TPRKB: variants seen among roughly 807,000 people sequenced by gnomAD.
The protein encoded by TPRKB is EKC/KEOPS complex subunit TPRKB.
TPRKB carries 11 observed loss-of-function variants against 17.8 expected under a neutral mutation model. That is an observed-to-expected ratio of 0.62 (90% CI 0.39 to 1.02). The LOEUF is 1.02. Among genes scored for constraint, TPRKB ranks in the 50% least tolerant of loss-of-function variants. The probability of loss-of-function intolerance (pLI) is 0.00; values close to 1 mark genes in which losing one functional copy is unlikely to be tolerated. For missense variants in TPRKB, 228 were observed against 198.0 expected, an observed-to-expected ratio of 1.15 and a Z score of -0.91; for synonymous variants, 71 against 69.5, an observed-to-expected ratio of 1.02 and a Z score of -0.11.
At chr2:73,732,133 G>C in intron 3 of TPRKB, 30 bp downstream of exon 3, 5 of 1,604,372 alleles carry the variant, frequency 3.1e-6, no homozygotes, top group Non-Finnish European at 4.3e-6. Context: ...ATTATGACAC[G>C]GTCAACAGAA....
rs111270935 is a variant in TPRKB, at chr2:73,734,864, T to C, written c.-22-273A>G. Among the ~76,000 whole-genome samples, 656 of 152,308 alleles carry C rather than the reference T, an allele frequency of 4.3e-3. 7 individuals carry two copies. Among genetic ancestry groups the C allele is most frequent in the African/African-American group, 0.015 (630 of 41,562 alleles). Reference sequence around the variant, plus strand: ...CTCAGGTGCATGGTTGAAGGGCTGCTTCCCCAGCAGACAAGTAGGAGCAGA... The same window carrying C: ...CTCAGGTGCATGGTTGAAGGGCTGCCTCCCCAGCAGACAAGTAGGAGCAGA... On this transcript the variant is annotated intron_variant, in intron 1 of 4. Coordinates refer to ENST00000272424, the MANE Select transcript of TPRKB (RefSeq NM_016058.5).
At chr2:73,735,022 G>A (rs1671814016) in intron 1 of TPRKB, among the ~76,000 whole-genome samples, 1 of 152,136 alleles carries the variant, frequency 6.6e-6, no homozygotes, top group African/African-American at 2.4e-5. Flanking sequence ...TATTAAGGAA[G>A]AAAATAATTT....
At chr2:73,735,489 T>TA (rs917492672) in intron 1 of TPRKB, among the ~76,000 whole-genome samples, 7 of 150,412 alleles carry the variant, frequency 4.7e-5, no homozygotes, top group Admixed American at 1.3e-4. Flanking sequence ...AGTATAAAAA[T>TA]AAAAAAAAAG....
intron 4 of TPRKB, chr2:73,730,355 TTA>T (rs1334818838): frequency 8.3e-5 from 39 of 468,166 alleles, no homozygotes; most frequent in African/African-American, 7.1e-4. Flanking sequence ...TGGAGAATGG[TTA>T]TGTCAGCTGA....
chr2:73,735,201 G>A (rs537108697), intron 1 of TPRKB, among the ~76,000 whole-genome samples: 28 of 152,076 alleles, frequency 1.8e-4, no homozygotes, highest in African/African-American at 5.5e-4. Context: ...GCATGGTGGC[G>A]CATGCCTGTA....
At chr2:73,735,378 C>A (rs560964700) in intron 1 of TPRKB, among the ~76,000 whole-genome samples, 1 of 151,814 alleles carries the variant, frequency 6.6e-6, no homozygotes, top group Non-Finnish European at 1.5e-5. Flanking sequence ...AGGAGATATA[C>A]CTAATGTAAA....
chr2:73,733,462 T>C lies in TPRKB; in HGVS notation c.141+967A>G, dbSNP rs147207619. ...TTAGTAGAGACACGGTTTCACTATG[T>C]AGGCCAGGCTGGTCTCAAACTCCGG... On this transcript the variant is annotated intron_variant, in intron 2 of 4. Coordinates refer to ENST00000272424, the MANE Select transcript of TPRKB (RefSeq NM_016058.5). 8.6e-3 allele frequency among the ~76,000 whole-genome samples: 1,308 copies of C among 152,246 alleles called. 23 individuals are homozygous for C. The highest frequency in any genetic ancestry group is 0.03 in the African/African-American group (1,239 of 41,562).
chr2:73,735,809 G>A (rs962836425), intron 1 of TPRKB, among the ~76,000 whole-genome samples: 6 of 152,150 alleles, frequency 3.9e-5, no homozygotes, highest in Non-Finnish European at 7.3e-5. Context: ...TTACCTGGCA[G>A]ATTATATTTC....
rs3076394 is a variant in TPRKB at position 73,733,246 on chromosome 2, G to GTTTTTTTTTTTT, written c.142-962_142-961insAAAAAAAAAAAA. ...AACATGATCGCACTGCGTGTGCCCTGTTTTTTTGTTTTTTTTTTTTTTTGG... is the reference window on the plus strand; with the variant it reads ...AACATGATCGCACTGCGTGTGCCCTGTTTTTTTTTTTTTTTTTTTGTTTTTTTTTTTTTTTGG... On this transcript the variant is annotated intron_variant, in intron 2 of 4. Transcript: ENST00000272424. Among the ~76,000 whole-genome samples, 5 of 119,378 alleles carry GTTTTTTTTTTTT rather than the reference G, an allele frequency of 4.2e-5. 1 individual carries two copies. The highest frequency in any genetic ancestry group is 3.5e-5 in the Non-Finnish European group (2 of 57,948). 78.3% of individuals were successfully genotyped at this position (119,378 alleles called of 152,430 possible).
chr2:73,733,318 G>A (rs999757806), intron 2 of TPRKB, among the ~76,000 whole-genome samples: 1 of 146,626 alleles, frequency 6.8e-6, no homozygotes, highest in Non-Finnish European at 1.5e-5. Flanking sequence ...GAATGCAGTG[G>A]CTCAATCTCA....
chr2:73,731,774 T>C (rs1020903073), intron 3 of TPRKB: 2 of 164,414 alleles, frequency 1.2e-5, no homozygotes, highest in Non-Finnish European at 2.7e-5. Flanking sequence ...TCCTGGTATA[T>C]GAAAAAGACA....
intron 2 of TPRKB, among the ~76,000 whole-genome samples, chr2:73,733,814 CTTTTTTTTTTTT>C (rs755122123): frequency 8.8e-6 from 1 of 114,040 alleles, no homozygotes; most frequent in Non-Finnish European, 1.7e-5. Flanking sequence ...CTCATTCATT[CTTTTTTTTTTTT>C]TTTTTTTTTG....
At position 73,734,460 on chromosome 2, in the gene TPRKB, G is replaced by A. The variant is rs1258501165; in HGVS notation, c.110C>T (p.Thr37Ile). 1.2e-6 allele frequency: 2 copies of A among 1,613,736 alleles called. No homozygotes were observed. The highest frequency in any genetic ancestry group is 2.7e-5 in the African/African-American group (2 of 74,996). Reference sequence around the variant, plus strand: ...AGGATTTATCAGTGATCCATCGATGGTGCCTTCCATGGCCTTTCTTCTCAA... The same window carrying A: ...AGGATTTATCAGTGATCCATCGATGATGCCTTCCATGGCCTTTCTTCTCAA... ...GDLRRKAMEG[T>I]IDGSLINPTV... The change falls in exon 2 of 5, where the codon ACC becomes ATC. Residue 37 changes from threonine (T) to isoleucine (I), a missense_variant. By Grantham distance (89) the Thr-to-Ile change is moderately conservative. Coordinates refer to ENST00000272424, the MANE Select transcript of TPRKB (RefSeq NM_016058.5).
Position 73,734,493 on chromosome 2 carries a change from G to C in TPRKB, c.77C>G (p.Ala26Gly). Residue 26 changes from alanine to glycine, a missense_variant, in exon 2 of 5, where the codon GCG (alanine) becomes GGG (glycine). Transcript: ENST00000272424. ...TLLLFKDVKN[A>G]GDLRRKAMEG... ...CATGGCCTTTCTTCTCAAGTCTCCC[G>C]CATTTTTTACATCTTTAAATAACAG... The C allele has an allele frequency of 6.2e-7, 1 of 1,613,862 alleles. No individual in the cohort carries two copies. Among genetic ancestry groups the C allele is most frequent in the Non-Finnish European group, 8.5e-7 (1 of 1,179,928 alleles).
chr2:73,734,634 T>A, intron 1 of TPRKB, 43 bp from the exon 2 acceptor site: 1 of 1,466,834 alleles, frequency 6.8e-7, no homozygotes. Flanking sequence ...ATTTAAAAGT[T>A]AACATCAGAA....
At chr2:73,731,455 C>A (rs563400637) in intron 3 of TPRKB, among the ~76,000 whole-genome samples, 1 of 152,250 alleles carries the variant, frequency 6.6e-6, no homozygotes, top group South Asian at 2.1e-4. Context: ...ATTCCAGGTA[C>A]TGGGAATCTC....
At position 73,735,246 on chromosome 2, in the gene TPRKB, C is replaced by T. The variant is rs1035199505; in HGVS notation, c.-22-655G>A. Among the ~76,000 whole-genome samples the T allele has an allele frequency of 1.1e-4, 17 of 152,000 alleles. No homozygotes were observed. In the South Asian group the frequency reaches 1.9e-3, roughly 17 times the overall value. Reference sequence around the variant, plus strand: ...ACTCAGGAGGCTGAGGCAGAAGAATCGCTTGAACCTGGGAGGCAGAGGTTG... The same window carrying T: ...ACTCAGGAGGCTGAGGCAGAAGAATTGCTTGAACCTGGGAGGCAGAGGTTG... On this transcript the variant is annotated intron_variant, in intron 1 of 4. Transcript: ENST00000272424.
At position 73,732,133 on chromosome 2, in the gene TPRKB, G is replaced by T. The variant is rs200134886; in HGVS notation, c.264+30C>A. ...AGGAACACATATGTTATTATGACAC[G>T]GTCAACAGAAATAGGAAAGTGCACA... On this transcript the variant is annotated intron_variant, in intron 3 of 4. Coordinates refer to ENST00000272424, the MANE Select transcript of TPRKB (RefSeq NM_016058.5). 2.4e-5 allele frequency: 39 copies of T among 1,604,254 alleles called. No individual in the cohort carries two copies. The South Asian group carries it at 4.3e-4, about 17-fold the overall frequency.
At chr2:73,732,539 TC>T in intron 2 of TPRKB, 1 of 378,062 alleles carries the variant, frequency 2.6e-6, no homozygotes, top group Non-Finnish European at 4.8e-6. Context: ...GGCGAAACCC[TC>T]TCTACTAAAA....
Sources: allele counts gnomAD v4.1 joint callset (sites outside exome capture counted in the v4.1 genomes callset), GRCh38; gene constraint gnomAD v4.1.1; transcripts MANE v1.5; gene names NCBI Gene and HGNC (gene_info 2026-07-23, HGNC 2026-07-21).